Variants in ST3GAL1 observed in about 807,000 individuals in gnomAD.
ST3GAL1 encodes the protein ST3 beta-galactoside alpha-2,3-sialyltransferase 1, also known as CMP-N-acetylneuraminate-beta-galactosamide-alpha-2,3-sialyltransferase 1.
A neutral mutation model predicts 34.1 loss-of-function variants in ST3GAL1; 16 were observed. The ratio of observed to expected loss-of-function variants is 0.47; its 90% confidence interval spans 0.32 to 0.71. The LOEUF (loss-of-function observed/expected upper bound fraction) is 0.71. Ranked by LOEUF, ST3GAL1 falls within the 30% of genes least tolerant of loss-of-function variation. The probability of loss-of-function intolerance (pLI) is 0.04; values close to 1 mark genes in which losing one functional copy is unlikely to be tolerated. For synonymous variants in ST3GAL1, 191 were observed against 184.7 expected, an observed-to-expected ratio of 1.03 and a Z score of -0.28; for missense variants, 353 against 447.4, an observed-to-expected ratio of 0.79 and a Z score of 1.90.
At chr8:133,485,078 C>T (rs920675825) in intron 3 of ST3GAL1, among the ~76,000 whole-genome samples, 2 of 152,226 alleles carry the variant, frequency 1.3e-5, no homozygotes, top group Non-Finnish European at 2.9e-5. Flanking sequence ...GTTCTCAGGG[C>T]ACCCTGTTTC....
chr8:133,571,722 G>A lies in ST3GAL1; in HGVS notation c.-611C>T, dbSNP rs988269501. On this transcript the variant is annotated 5_prime_UTR_variant, in exon 1 of 10. Coordinates refer to ENST00000522652, the MANE Select transcript of ST3GAL1 (RefSeq NM_173344.3). This position sits in a 1 kb window ranked among gnomAD's most constrained non-coding sequence, Gnocchi z 6.7. Reference sequence around the variant, plus strand: ...GCTGGAGACACGCTGGAGTTTCCGGGATTTGGGCATGAAGGGGTTCGGAGG... The same window carrying A: ...GCTGGAGACACGCTGGAGTTTCCGGAATTTGGGCATGAAGGGGTTCGGAGG... 5 of 152,576 alleles carry A rather than the reference G, an allele frequency of 3.3e-5. No individual in the cohort carries two copies. Among genetic ancestry groups the A allele is most frequent in the Non-Finnish European group, 5.9e-5 (4 of 68,364 alleles). 9.5% of individuals were successfully genotyped at this position (152,576 alleles called of 1,614,324 possible). A position where few individuals can be genotyped will look rare whatever the true frequency, so the allele number is the denominator to read the frequency against.
intron 2 of ST3GAL1, among the ~76,000 whole-genome samples, chr8:133,509,469 C>A (rs1265019803): frequency 6.6e-6 from 1 of 152,240 alleles, no homozygotes; most frequent in Admixed American, 6.5e-5. Flanking sequence ...TAGGACTTCA[C>A]AAGCCTCCTG....
intron 3 of ST3GAL1, among the ~76,000 whole-genome samples, chr8:133,493,543 T>C (rs1323539401): frequency 6.6e-6 from 1 of 152,052 alleles, no homozygotes; most frequent in Non-Finnish European, 1.5e-5. Context: ...GGAAGAAACA[T>C]GATCTAAAGA....
At position 133,551,737 on chromosome 8, in the gene ST3GAL1, A is replaced by G. The variant is rs150395925; in HGVS notation, c.-581-5811T>C. ...AGTGAATACAAAACAACATGAAATC[A>G]CTTTGATACTGGTAGTAGCAATAAC... On this transcript the variant is annotated intron_variant, in intron 1 of 9. Transcript: ENST00000522652. Among the ~76,000 whole-genome samples, 658 of 152,330 alleles carry G rather than the reference A, an allele frequency of 4.3e-3. 2 individuals are homozygous for G. Among genetic ancestry groups the G allele is most frequent in the African/African-American group, 0.015 (620 of 41,574 alleles).
chr8:133,507,626 A>T (rs915374752), intron 2 of ST3GAL1, among the ~76,000 whole-genome samples: 2 of 152,242 alleles, frequency 1.3e-5, no homozygotes, highest in African/African-American at 4.8e-5. Context: ...GGACATGAAG[A>T]AAAGAAGACG....
chr8:133,526,394 C>T (rs1004108054), intron 2 of ST3GAL1, among the ~76,000 whole-genome samples: 15 of 152,050 alleles, frequency 9.9e-5, no homozygotes, highest in Admixed American at 8.5e-4. Flanking sequence ...TAAGTCTCTC[C>T]AACCACCCAG....
chr8:133,478,952 G>C (rs1400789774), intron 3 of ST3GAL1, among the ~76,000 whole-genome samples: 1 of 152,226 alleles, frequency 6.6e-6, no homozygotes, highest in Non-Finnish European at 1.5e-5. Flanking sequence ...ACGGCCAACA[G>C]TCCAGAGGGA....
intron 2 of ST3GAL1, among the ~76,000 whole-genome samples, chr8:133,525,505 C>T (rs749299008): frequency 6.6e-6 from 1 of 152,164 alleles, no homozygotes; most frequent in African/African-American, 2.4e-5. Flanking sequence ...TTCAGGCTGT[C>T]CCTGGGTTGA....
chr8:133,462,407 A>G (rs1472750314), intron 8 of ST3GAL1, among the ~76,000 whole-genome samples: 2 of 152,200 alleles, frequency 1.3e-5, no homozygotes, highest in African/African-American at 2.4e-5. Context: ...GGCTGGAATC[A>G]TCGCCAATCC....
At chr8:133,563,614 C>T (rs915721520) in intron 1 of ST3GAL1, among the ~76,000 whole-genome samples, 3 of 152,192 alleles carry the variant, frequency 2.0e-5, no homozygotes, top group Non-Finnish European at 4.4e-5. Context: ...ACACGATAAG[C>T]GCCAGCATTC....
intron 2 of ST3GAL1, among the ~76,000 whole-genome samples, chr8:133,501,995 C>A (rs567288001): frequency 1.3e-5 from 2 of 152,284 alleles, no homozygotes; most frequent in African/African-American, 4.8e-5. Context: ...TCAAACCCTG[C>A]GTGCCTTCTG....
intron 3 of ST3GAL1, among the ~76,000 whole-genome samples, chr8:133,497,761 C>T (rs1176767352): frequency 1.3e-5 from 2 of 152,110 alleles, no homozygotes; most frequent in East Asian, 3.9e-4. Flanking sequence ...GCATGAACCA[C>T]CATGCCCAGC....
At chr8:133,489,881 A>G (rs1431070001) in intron 3 of ST3GAL1, among the ~76,000 whole-genome samples, 1 of 152,076 alleles carries the variant, frequency 6.6e-6, no homozygotes, top group Non-Finnish European at 1.5e-5. Flanking sequence ...GGGCTTAAAT[A>G]TCAAAGAATC....
intron 2 of ST3GAL1, among the ~76,000 whole-genome samples, chr8:133,522,927 G>T (rs1170124557): frequency 6.6e-6 from 1 of 152,230 alleles, no homozygotes; most frequent in African/African-American, 2.4e-5. Context: ...GGCAGAGAAG[G>T]TGCTAAGAAA....
intron 1 of ST3GAL1, chr8:133,567,401 T>A (rs530803362): frequency 3.3e-5 from 5 of 152,252 alleles, no homozygotes; most frequent in Non-Finnish European, 7.4e-5. Flanking sequence ...CAAGACCAAA[T>A]AAACAATAAA....
At chr8:133,518,542 C>T (rs957496612) in intron 2 of ST3GAL1, among the ~76,000 whole-genome samples, 3 of 152,164 alleles carry the variant, frequency 2.0e-5, no homozygotes, top group Admixed American at 6.5e-5. Context: ...TCTTATCCAG[C>T]GAGACTGACA....
At chr8:133,538,655 A>G (rs942802556) in intron 2 of ST3GAL1, among the ~76,000 whole-genome samples, 4 of 152,236 alleles carry the variant, frequency 2.6e-5, no homozygotes, top group African/African-American at 9.6e-5. Context: ...GTGCATATGT[A>G]ATTAGACATC....
intron 2 of ST3GAL1, among the ~76,000 whole-genome samples, chr8:133,541,147 A>AGAGAGAGAGAGAGAGAGG (rs1209540597): frequency 1.1e-3 from 134 of 125,356 alleles, no homozygotes; most frequent in South Asian, 1.6e-3. Flanking sequence ...AGAGAGAGAG[A>AGAGAGAGAGAGAGAGAGG]GAGAGACTGT....
chr8:133,540,946 T>TATATATAGACATATATATAGAC (rs1818482533), intron 2 of ST3GAL1, among the ~76,000 whole-genome samples: 7 of 83,528 alleles, frequency 8.4e-5, no homozygotes, highest in Non-Finnish European at 1.2e-4. Flanking sequence ...TATATAGACA[T>TATATATAGACATATATATAGAC]ATATATAGAC....
Sources: allele counts gnomAD v4.1 joint callset (sites outside exome capture counted in the v4.1 genomes callset), GRCh38; gene constraint gnomAD v4.1.1; non-coding constraint Gnocchi (gnomAD v3.1); transcripts MANE v1.5; gene names NCBI Gene and HGNC (gene_info 2026-07-23, HGNC 2026-07-21).